Variants in SACS observed in about 807,000 individuals in gnomAD.
SACS encodes the protein sacsin molecular chaperone, also known as sacsin.
Under a neutral mutation model 348.0 loss-of-function variants are expected in SACS, and 197 were observed. The ratio of observed to expected loss-of-function variants is 0.57; its 90% CI spans 0.50 to 0.64. SACS has a LOEUF of 0.64. SACS is among the 30% of genes least tolerant of loss of function. The pLI, the probability that SACS is intolerant of heterozygous loss-of-function variation, is 0.00. For synonymous variants in SACS, 1,985 were observed against 1,910.6 expected, an observed-to-expected ratio of 1.04 and a Z score of -1.02; for missense variants, 4,999 against 5,360.8, an observed-to-expected ratio of 0.93 and a Z score of 2.11.
At chr13:23,407,482 A>T (rs1198222670) in intron 2 of SACS, among the ~76,000 whole-genome samples, 1 of 151,632 alleles carries the variant, frequency 6.6e-6, no homozygotes, top group African/African-American at 2.4e-5. Context: ...TACAGGCGTG[A>T]GCCACCACGC....
At chr13:23,399,838 C>T (rs963850406) in intron 2 of SACS, among the ~76,000 whole-genome samples, 1 of 152,096 alleles carries the variant, frequency 6.6e-6, no homozygotes, top group African/African-American at 2.4e-5. Context: ...AGATGCCAGC[C>T]TTGAGATAAC....
chr13:23,368,045 A>G (rs1871167537), intron 5 of SACS, among the ~76,000 whole-genome samples: 1 of 152,164 alleles, frequency 6.6e-6, no homozygotes, highest in African/African-American at 2.4e-5. Context: ...CTAATCGTAG[A>G]ATGTATTTGG....
rs2137627934 is a variant in SACS at position 23,339,463 on chromosome 13, G to A, written c.4413C>T (p.Tyr1471=). 6.2e-7 allele frequency: 1 copy of A among 1,605,690 alleles called. No individual in the cohort carries two copies. Among genetic ancestry groups the A allele is most frequent in the Non-Finnish European group, 8.5e-7 (1 of 1,175,752 alleles). Residue 1471 remains tyrosine (Y), a synonymous_variant, in exon 10 of 10, where the codon TAC becomes TAT. Transcript: ENST00000382292. ...CTTTAAAAATATCTGACACTGAAGGGTATTCTTCCAGAATATTTTTAATTC... is the reference window on the plus strand; with the variant it reads ...CTTTAAAAATATCTGACACTGAAGGATATTCTTCCAGAATATTTTTAATTC... The part of the protein sequence containing the change: ...TVRIKNILEE[Y]PSVSDIFKEL...
Position 23,355,913 on chromosome 13 carries a change from G to C in SACS, c.699C>G (p.Leu233=). The C allele has an allele frequency of 6.2e-7, 1 of 1,614,116 alleles. No individual in the cohort carries two copies. The part of the protein sequence containing the change: ...GPHESGQCWN[L]KDDSKEISEL... ...CACTAATTTCTTTGCTGTCATCTTT[G>C]AGATTCCAACATTGGCCTGATTCAT... Residue 233 remains leucine, a synonymous_variant, in exon 8 of 10, where the codon CTC becomes CTG. Coordinates refer to ENST00000382292, the MANE Select transcript of SACS (RefSeq NM_014363.6).
chr13:23,423,286 T>C (rs545505694), intron 1 of SACS, among the ~76,000 whole-genome samples: 81 of 152,316 alleles, frequency 5.3e-4, no homozygotes, highest in East Asian at 2.3e-3. Context: ...TGAAGAAGCT[T>C]TGTGATGTGC....
intron 6 of SACS, among the ~76,000 whole-genome samples, chr13:23,362,223 C>T (rs1870780472): frequency 6.6e-6 from 1 of 152,184 alleles, no homozygotes; most frequent in South Asian, 2.1e-4. Context: ...TAGTGCAGCA[C>T]AGAGGGACTC....
intron 6 of SACS, among the ~76,000 whole-genome samples, chr13:23,364,560 C>T (rs751766475): frequency 1.3e-5 from 2 of 152,140 alleles, no homozygotes; most frequent in African/African-American, 4.8e-5. Flanking sequence ...GGATTACAGG[C>T]GTGAGCCACC....
intron 2 of SACS, among the ~76,000 whole-genome samples, chr13:23,408,898 C>G (rs573027319): frequency 2.0e-5 from 3 of 149,860 alleles, no homozygotes; most frequent in African/African-American, 7.3e-5. Flanking sequence ...GGAGGCGCAG[C>G]TTGCAGTGAG....
intron 2 of SACS, among the ~76,000 whole-genome samples, chr13:23,395,480 C>T (rs1872679474): frequency 6.6e-6 from 1 of 152,160 alleles, no homozygotes; most frequent in Admixed American, 6.6e-5. Context: ...ATCTTCCCTT[C>T]AGTTCCTTTG....
At position 23,332,181 on chromosome 13, in the gene SACS, G is replaced by A; in HGVS notation, c.11695C>T (p.Leu3899Phe). ...AGCGCAAGGTCTCGTACATTCTCGA[G>A]ATCACTCCTCACCTTGACTGAATCA... Reference protein sequence around the residue: ...QNDSVKVRSDLENVRDLALYL... With the variant: ...QNDSVKVRSDFENVRDLALYL... Residue 3899 changes from leucine (L) to phenylalanine (F), a missense_variant, in exon 10 of 10, where the codon CTC becomes TTC. By Grantham distance (22) the Leu-to-Phe change is conservative (BLOSUM62 0). This residue lies in a region of SACS where 831 missense variants were observed against 941.8 expected (regional missense o/e 0.88). Coordinates refer to ENST00000382292, the MANE Select transcript of SACS (RefSeq NM_014363.6). 6.2e-7 allele frequency: 1 copy of A among 1,613,992 alleles called. No homozygotes were observed. Among genetic ancestry groups the A allele is most frequent in the East Asian group, 2.2e-5 (1 of 44,876 alleles).
At position 23,371,107 on chromosome 13, in the gene SACS, T is replaced by G; in HGVS notation, c.230A>C (p.Asn77Thr). Reference protein sequence around the residue: ...LTSKNCHLFVNLQSKGLKGGG... With the variant: ...LTSKNCHLFVTLQSKGLKGGG... ...CCCTTTTAAGCCTTTTGATTGAAGG[T>G]TTACAAAAAGATGACAATTTTTGGA... is the stretch of plus-strand genomic sequence containing the variant. The change falls in exon 4 of 10, where the codon AAC (asparagine) becomes ACC (threonine). Residue 77 changes from asparagine (N) to threonine (T), a missense_variant. Physicochemically the swap from Asn to Thr is moderately conservative, Grantham distance 65. Transcript: ENST00000382292. 1 of 1,611,060 alleles carries G rather than the reference T, an allele frequency of 6.2e-7. No individual in the cohort carries two copies. The highest frequency in any genetic ancestry group is 8.5e-7 in the Non-Finnish European group (1 of 1,177,464).
In SACS at chr13:23,365,558, T is replaced by G. The variant is rs140490989; in HGVS notation, c.346-281A>C. ...TAATCCTGGGCCCTATTTATAACTG[T>G]CTCATATTTACAATCTACCCAAAGC... is the stretch of plus-strand genomic sequence containing the variant. On this transcript the variant is annotated intron_variant, in intron 5 of 9. Transcript: ENST00000382292. 5.1e-3 allele frequency among the ~76,000 whole-genome samples: 783 copies of G among 152,286 alleles called. 4 individuals carry two copies. The highest frequency in any genetic ancestry group is 0.041 in the Middle Eastern group (12 of 292).
rs746356612 is a variant in SACS, at chr13:23,341,158, G to C, written c.2718C>G (p.Phe906Leu). 7 of 1,613,250 alleles carry C rather than the reference G, an allele frequency of 4.3e-6. No individual in the cohort carries two copies. The East Asian group carries it at 1.6e-4, about 36-fold the overall frequency. Residue 906 changes from phenylalanine (F) to leucine (L), a missense_variant, in exon 10 of 10, where the codon TTC becomes TTG. Physicochemically the swap from Phe to Leu is conservative, Grantham distance 22. Transcript: ENST00000382292. ...CACTGCTATCGGTTAAACTAGCCAAGAACTTCCTCAGGGCATCTTTGTGTG... is the reference window on the plus strand; with the variant it reads ...CACTGCTATCGGTTAAACTAGCCAACAACTTCCTCAGGGCATCTTTGTGTG... ...LPTHKDALRK[F>L]LASLTDSSEK...
chr13:23,405,561 A>G (rs905243352), intron 2 of SACS, among the ~76,000 whole-genome samples: 1 of 152,218 alleles, frequency 6.6e-6, no homozygotes, highest in Admixed American at 6.5e-5. Context: ...AATGGGGTCT[A>G]ATTAAACTAA....
chr13:23,387,242 G>T (rs573224743), intron 2 of SACS, among the ~76,000 whole-genome samples: 5 of 151,920 alleles, frequency 3.3e-5, no homozygotes, highest in Non-Finnish European at 5.9e-5. Context: ...GGCAGATCAC[G>T]AGGTCAGGAG....
chr13:23,369,861 CTTT>C (rs879508762), intron 4 of SACS, among the ~76,000 whole-genome samples: 3 of 136,184 alleles, frequency 2.2e-5, no homozygotes, highest in Non-Finnish European at 3.2e-5. Context: ...ACTCACACTT[CTTT>C]TTTTTTTTTT....
chr13:23,335,535 G>T lies in SACS; in HGVS notation c.8341C>A (p.His2781Asn). 6.2e-7 allele frequency: 1 copy of T among 1,613,696 alleles called. No homozygotes were observed. The highest frequency in any genetic ancestry group is 1.1e-5 in the South Asian group (1 of 91,074). Residue 2781 changes from histidine to asparagine, a missense_variant, in exon 10 of 10, where the codon CAT becomes AAT. Coordinates refer to ENST00000382292, the MANE Select transcript of SACS (RefSeq NM_014363.6). The surrounding 1 kb of genome is among the most constrained non-coding windows in gnomAD (Gnocchi z 4.7). ...DGDRLKRKQFHASVIDSVTKK... is the reference protein window; with the variant it reads ...DGDRLKRKQFNASVIDSVTKK... ...GTAACACTATCAATTACAGATGCAT[G>T]AAATTGTTTCCTTTTCAATCTGTCT...
rs537408260 is a variant in SACS, at chr13:23,337,868, T to A, written c.6008A>T (p.Asp2003Val). The change falls in exon 10 of 10, where the codon GAT becomes GTT. Residue 2003 changes from aspartate to valine, a missense_variant. Asp to Val is a radical substitution (Grantham distance 152). This residue lies in a region of SACS where 3,156 missense variants were observed against 3,380.1 expected (regional missense o/e 0.93). Coordinates refer to ENST00000382292, the MANE Select transcript of SACS (RefSeq NM_014363.6). ...FLDDSILKRRDVGSAAFKIFL... is the reference protein window; with the variant it reads ...FLDDSILKRRVVGSAAFKIFL... ...TATCTTGAAGGCTGCTGAACCAACA[T>A]CTCTTCTTTTAAGTATAGAGTCATC... 1.3e-4 allele frequency: 207 copies of A among 1,613,886 alleles called. 2 individuals are homozygous for A. In the South Asian group the frequency reaches 2.1e-3, roughly 17 times the overall value.
chr13:23,426,809 C>G (rs897590492), intron 1 of SACS, among the ~76,000 whole-genome samples: 6 of 152,278 alleles, frequency 3.9e-5, no homozygotes, highest in African/African-American at 1.4e-4. Context: ...ATGCATCTAT[C>G]TCAGAGAGCA....
Sources: allele counts gnomAD v4.1 joint callset (sites outside exome capture counted in the v4.1 genomes callset), GRCh38; gene constraint gnomAD v4.1.1; regional missense constraint gnomAD v4.1.1; non-coding constraint Gnocchi (gnomAD v3.1); transcripts MANE v1.5; gene names NCBI Gene and HGNC (gene_info 2026-07-23, HGNC 2026-07-21).